Variants in ERBB4 observed in about 807,000 individuals in gnomAD.
ERBB4 encodes erb-b2 receptor tyrosine kinase 4.
In ERBB4, 42 loss-of-function variants were observed where a neutral mutation model predicts 158.0. That is an observed-to-expected ratio of 0.27 (90% CI 0.21 to 0.34). The LOEUF is 0.34. ERBB4 is among the 10% of genes least tolerant of loss of function. The pLI is 1.00. For synonymous variants in ERBB4, 583 were observed against 558.7 expected, an observed-to-expected ratio of 1.04 and a Z score of -0.61; for missense variants, 1,333 against 1,624.1, an observed-to-expected ratio of 0.82 and a Z score of 3.08.
intron 1 of ERBB4, among the ~76,000 whole-genome samples, chr2:212,314,397 CA>C (rs2106246117): frequency 6.8e-6 from 1 of 146,714 alleles, no homozygotes; most frequent in South Asian, 2.1e-4. Flanking sequence ...AAGTGGATGG[CA>C]AGAAGTTTAG....
At chr2:212,156,845 A>C (rs1183485823) in intron 1 of ERBB4, among the ~76,000 whole-genome samples, 2 of 151,938 alleles carry the variant, frequency 1.3e-5, no homozygotes, top group Non-Finnish European at 2.9e-5. Context: ...TGTTGCTTCT[A>C]TCTCCCTAAT....
intron 4 of ERBB4, among the ~76,000 whole-genome samples, chr2:211,773,622 AT>A (rs1430495087): frequency 7.7e-5 from 5 of 65,294 alleles, no homozygotes; most frequent in African/African-American, 1.4e-4. Context: ...ATATATATAT[AT>A]ATATATATAT....
intron 1 of ERBB4, among the ~76,000 whole-genome samples, chr2:212,312,382 A>C (rs2087086631): frequency 6.6e-6 from 1 of 150,912 alleles, no homozygotes; most frequent in Non-Finnish European, 1.5e-5. Flanking sequence ...TTGAATTAGA[A>C]ATTATGCAGT....
At chr2:212,045,966 T>G (rs2077251575) in intron 2 of ERBB4, among the ~76,000 whole-genome samples, 1 of 152,204 alleles carries the variant, frequency 6.6e-6, no homozygotes, top group South Asian at 2.1e-4. Context: ...CAATATATTC[T>G]ATGGAATAAA....
chr2:211,676,616 T>C (rs899019013), intron 13 of ERBB4, among the ~76,000 whole-genome samples: 1 of 152,194 alleles, frequency 6.6e-6, no homozygotes, highest in African/African-American at 2.4e-5. Context: ...CCTTACGTTC[T>C]AGCATTGGCT....
chr2:212,331,672 T>C (rs1255688708), intron 1 of ERBB4, among the ~76,000 whole-genome samples: 2 of 151,970 alleles, frequency 1.3e-5, no homozygotes, highest in African/African-American at 4.8e-5. Flanking sequence ...CCAAACTCAA[T>C]CAAATTAGTG....
chr2:211,947,427 T>C lies in ERBB4; in HGVS notation c.421+3A>G, dbSNP rs368848687. On this transcript the variant is annotated splice_donor_region_variant and intron_variant, in intron 3 of 27. Coordinates refer to ENST00000342788, the MANE Select transcript of ERBB4 (RefSeq NM_005235.3). Reference sequence around the variant, plus strand: ...TATTTGCCATTTTGGATATATTCCTTACCTGTCAAGTTCTTTAATCCAAGT... The same window carrying C: ...TATTTGCCATTTTGGATATATTCCTCACCTGTCAAGTTCTTTAATCCAAGT... 6.2e-7 allele frequency: 1 copy of C among 1,612,082 alleles called. No individual in the cohort carries two copies. The highest frequency in any genetic ancestry group is 1.3e-5 in the African/African-American group (1 of 75,008).
intron 16 of ERBB4, among the ~76,000 whole-genome samples, chr2:211,636,690 A>C (rs2070375305): frequency 6.6e-6 from 1 of 151,940 alleles, no homozygotes; most frequent in African/African-American, 2.4e-5. Context: ...TAGGATACCC[A>C]GAGTTAATAA....
chr2:212,240,908 G>A (rs891062635), intron 1 of ERBB4, among the ~76,000 whole-genome samples: 10 of 151,726 alleles, frequency 6.6e-5, no homozygotes, highest in African/African-American at 2.4e-4. Context: ...CTTGTTATAG[G>A]GTCCTCAACC....
chr2:212,125,215 ATT>A (rs34534545), intron 1 of ERBB4: 2,911 of 208,830 alleles, frequency 0.014, 26 homozygotes, highest in African/African-American at 0.039. Flanking sequence ...TTATTTAAAC[ATT>A]TTTTTTTTTA....
chr2:211,551,709 C>T (rs780474407), intron 20 of ERBB4, among the ~76,000 whole-genome samples: 2 of 152,166 alleles, frequency 1.3e-5, no homozygotes, highest in Non-Finnish European at 2.9e-5. Flanking sequence ...CATATCTACA[C>T]ATAGCATCTG....
intron 3 of ERBB4, among the ~76,000 whole-genome samples, chr2:211,802,275 A>C (rs1327020229): frequency 6.0e-5 from 9 of 149,506 alleles, no homozygotes; most frequent in Admixed American, 2.0e-4. Flanking sequence ...AAAAAAAAAA[A>C]CACAAAAAAC....
intron 1 of ERBB4, among the ~76,000 whole-genome samples, chr2:212,515,699 T>A (rs571732801): frequency 6.6e-6 from 1 of 151,878 alleles, no homozygotes; most frequent in South Asian, 2.1e-4. Context: ...ACTTAAATTT[T>A]AAAAAAACAA....
chr2:212,254,549 C>T (rs964220125), intron 1 of ERBB4, among the ~76,000 whole-genome samples: 17 of 152,108 alleles, frequency 1.1e-4, no homozygotes, highest in African/African-American at 3.4e-4. Flanking sequence ...TTGAACAAAC[C>T]CCCTCAGGGC....
rs929293521 is a variant in ERBB4 at position 211,411,988 on chromosome 2, G to A, written c.3135+8453C>T. 5.9e-5 allele frequency among the ~76,000 whole-genome samples: 9 copies of A among 152,032 alleles called. No homozygotes were observed. The East Asian group carries it at 1.7e-3, about 29-fold the overall frequency. On this transcript the variant is annotated intron_variant, in intron 25 of 27. Coordinates refer to ENST00000342788, the MANE Select transcript of ERBB4 (RefSeq NM_005235.3). The stretch of plus-strand genomic sequence containing the variant: ...TAAAAAATAAAACTAATTGGATCTC[G>A]ATTAGAGTAATATTATAGTAACTTC...
chr2:212,014,918 C>T (rs1037287661), intron 2 of ERBB4, among the ~76,000 whole-genome samples: 6 of 150,034 alleles, frequency 4.0e-5, no homozygotes, highest in African/African-American at 1.5e-4. Flanking sequence ...TTCAGCCAGG[C>T]GCAGTGGCTC....
intron 1 of ERBB4, among the ~76,000 whole-genome samples, chr2:212,164,934 G>A (rs2081303541): frequency 6.7e-6 from 1 of 149,542 alleles, no homozygotes; most frequent in Admixed American, 6.6e-5. Flanking sequence ...TTGCCCTTAT[G>A]GACAAACTTG....
chr2:212,341,274 T>C (rs2106319641), intron 1 of ERBB4, among the ~76,000 whole-genome samples: 1 of 152,050 alleles, frequency 6.6e-6, no homozygotes, highest in South Asian at 2.1e-4. Context: ...TGGTACTAAG[T>C]ATTATCTTAG....
At chr2:212,344,496 G>A (rs36036846) in intron 1 of ERBB4, among the ~76,000 whole-genome samples, 18,302 of 150,498 alleles carry the variant, frequency 0.12, 1,142 homozygotes, top group Admixed American at 0.15. Context: ...GTGTGTGTGT[G>A]TATATGTGTG....
Sources: allele counts gnomAD v4.1 joint callset (sites outside exome capture counted in the v4.1 genomes callset), GRCh38; gene constraint gnomAD v4.1.1; transcripts MANE v1.5; gene names NCBI Gene and HGNC (gene_info 2026-07-23, HGNC 2026-07-21).